FRMD3: variants seen among roughly 807,000 people sequenced by gnomAD.
FRMD3 encodes the protein FERM domain-containing protein 3.
FRMD3 carries 33 observed loss-of-function variants against 70.2 expected under a neutral mutation model. That is an observed-to-expected ratio of 0.47 (90% CI 0.36 to 0.63). The LOEUF is 0.63. FRMD3 is among the 20% of genes least tolerant of loss of function. The probability of loss-of-function intolerance (pLI) is 0.00; values close to 1 mark genes in which losing one functional copy is unlikely to be tolerated. For missense variants in FRMD3, 632 were observed against 711.4 expected, an observed-to-expected ratio of 0.89 and a Z score of 1.27; for synonymous variants, 279 against 255.9, an observed-to-expected ratio of 1.09 and a Z score of -0.86.
chr9:83,375,557 C>A (rs138431643), intron 2 of FRMD3, among the ~76,000 whole-genome samples: 11 of 152,328 alleles, frequency 7.2e-5, no homozygotes, highest in African/African-American at 2.4e-4. Flanking sequence ...GAAATCATTT[C>A]TTCAAAGAGG....
At chr9:83,480,421 T>C (rs1367745213) in intron 1 of FRMD3, among the ~76,000 whole-genome samples, 4 of 151,832 alleles carry the variant, frequency 2.6e-5, no homozygotes, top group African/African-American at 7.2e-5. Flanking sequence ...AATAAAAATA[T>C]ATAAATAAAA....
At position 83,248,237 on chromosome 9, in the gene FRMD3, G is replaced by A. The variant is rs376216707; in HGVS notation, c.1475C>T (p.Ala492Val). 40 of 1,614,026 alleles carry A rather than the reference G, an allele frequency of 2.5e-5. No homozygotes were observed. The highest frequency in any genetic ancestry group is 3.1e-5 in the Non-Finnish European group (37 of 1,180,044). Residue 492 changes from alanine to valine, a missense_variant, in exon 14 of 14, where the codon GCC (alanine) becomes GTC (valine). By Grantham distance (64) the Ala-to-Val change is moderately conservative (BLOSUM62 0). Transcript: ENST00000304195. ...CTCCTCTTCTTCAGCAATCAAAAAG[G>A]CGTTTTCATCTGCTTCCAGATCCTC... is the stretch of plus-strand genomic sequence containing the variant. ...SFEDLEADEN[A>V]FLIAEEEELK...
At chr9:83,373,088 G>A in intron 2 of FRMD3, 133 bp from the exon 3 acceptor site, 1 of 710,820 alleles carries the variant, frequency 1.4e-6, no homozygotes, top group Non-Finnish European at 2.5e-6. Flanking sequence ...TCCACACTCT[G>A]AAGACCAACA....
the FRMD3 span, among the ~76,000 whole-genome samples, chr9:83,546,353 T>C: frequency 1.3e-5 from 2 of 151,666 alleles, no homozygotes; most frequent in Non-Finnish European, 2.9e-5. Flanking sequence ...CAAGACTGCG[T>C]CTCAAAAAAC....
intron 1 of FRMD3, among the ~76,000 whole-genome samples, chr9:83,475,119 C>T (rs1828363878): frequency 6.6e-6 from 1 of 152,016 alleles, no homozygotes; most frequent in African/African-American, 2.4e-5. Context: ...TTAAAAATTA[C>T]CGGGCATACC....
chr9:83,559,852 AAT>A, the FRMD3 span, among the ~76,000 whole-genome samples: 63 of 152,186 alleles, frequency 4.1e-4, no homozygotes, highest in African/African-American at 1.4e-3. Context: ...AAAAATTAAA[AAT>A]ATTTTATTTA....
intron 2 of FRMD3, among the ~76,000 whole-genome samples, chr9:83,388,972 A>C: frequency 8.2e-6 from 1 of 122,458 alleles, no homozygotes; most frequent in Non-Finnish European, 1.6e-5. Context: ...TTGAGACAGG[A>C]TCTTGCTCTG....
chr9:83,352,185 C>T (rs1056033578), intron 3 of FRMD3, among the ~76,000 whole-genome samples: 14 of 152,128 alleles, frequency 9.2e-5, no homozygotes, highest in African/African-American at 2.9e-4. Context: ...GTGCACAGAT[C>T]GCTATATGCT....
chr9:83,467,010 G>C (rs760306996), intron 1 of FRMD3, among the ~76,000 whole-genome samples: 1 of 152,118 alleles, frequency 6.6e-6, no homozygotes, highest in Non-Finnish European at 1.5e-5. Flanking sequence ...CTGCAAATAA[G>C]TAACAGACAC....
At chr9:83,256,538 A>G (rs1390202645) in intron 13 of FRMD3, among the ~76,000 whole-genome samples, 3 of 152,018 alleles carry the variant, frequency 2.0e-5, no homozygotes, top group Non-Finnish European at 2.9e-5. Context: ...ATTAAACTAA[A>G]GAGCACAGCA....
intron 10 of FRMD3, among the ~76,000 whole-genome samples, chr9:83,305,524 C>T (rs909067235): frequency 5.3e-5 from 8 of 152,172 alleles, no homozygotes; most frequent in African/African-American, 1.9e-4. Context: ...ACTTCCAAAG[C>T]TCACACTCAT....
At chr9:83,309,169 C>T (rs1835253102) in intron 10 of FRMD3, among the ~76,000 whole-genome samples, 1 of 151,944 alleles carries the variant, frequency 6.6e-6, no homozygotes, top group African/African-American at 2.4e-5. Context: ...TTGTACCAAA[C>T]TATCTCAAGG....
chr9:83,548,256 TA>T, the FRMD3 span, among the ~76,000 whole-genome samples: 1 of 152,174 alleles, frequency 6.6e-6, no homozygotes, highest in East Asian at 1.9e-4. Context: ...TTTTTGTCCA[TA>T]CAAAAACCTG....
At position 83,391,982 on chromosome 9, in the gene FRMD3, C is replaced by T. The variant is rs189345936; in HGVS notation, c.148-2274G>A. 1.7e-3 allele frequency among the ~76,000 whole-genome samples: 263 copies of T among 152,172 alleles called. 1 individual carries two copies. The highest frequency in any genetic ancestry group is 3.2e-3 in the Non-Finnish European group (215 of 68,004). ...ATTTTGGCAAAATCCCCAGTTAATT[C>T]GCATGCACATTGAAGTTTGAGAAGC... On this transcript the variant is annotated intron_variant, in intron 1 of 13. Transcript: ENST00000304195.
At chr9:83,326,731 T>C (rs7847871) in intron 6 of FRMD3, among the ~76,000 whole-genome samples, 68,556 of 152,010 alleles carry the variant, frequency 0.45, 16,045 homozygotes, top group African/African-American at 0.59. Flanking sequence ...GTCCGTCAAA[T>C]ATTGCATCAG....
downstream of FRMD3, chr9:83,243,100 G>A: frequency 8.4e-7 from 1 of 1,186,120 alleles, no homozygotes. Context: ...AGCCCACTGG[G>A]TGGGGCCCAC....
chr9:83,480,829 G>GA (rs1374240259), intron 1 of FRMD3, among the ~76,000 whole-genome samples: 1 of 152,164 alleles, frequency 6.6e-6, no homozygotes, highest in Non-Finnish European at 1.5e-5. Context: ...GTTATATGCA[G>GA]ATACAACCTA....
At chr9:83,498,532 G>A (rs367852936) in intron 1 of FRMD3, among the ~76,000 whole-genome samples, 1 of 152,108 alleles carries the variant, frequency 6.6e-6, no homozygotes, top group African/African-American at 2.4e-5. Flanking sequence ...GGCTACCTGG[G>A]GCTATCAAAA....
chr9:83,301,986 A>G (rs780917350), intron 10 of FRMD3, among the ~76,000 whole-genome samples: 18 of 152,214 alleles, frequency 1.2e-4, no homozygotes, highest in Non-Finnish European at 2.5e-4. Flanking sequence ...CTGCCCTCCC[A>G]AATGTCCAGG....
Sources: allele counts gnomAD v4.1 joint callset (sites outside exome capture counted in the v4.1 genomes callset), GRCh38; gene constraint gnomAD v4.1.1; transcripts MANE v1.5; gene names NCBI Gene and HGNC (gene_info 2026-07-23, HGNC 2026-07-21).